The following DLG2 variants were observed in gnomAD, a reference collection of about 807,000 sequenced individuals.
DLG2 encodes discs large MAGUK scaffold protein 2, also known as disks large homolog 2.
DLG2 carries 45 observed loss-of-function variants against 132.5 expected under a neutral mutation model. The ratio of observed to expected loss-of-function variants is 0.34; its 90% confidence interval spans 0.27 to 0.44. The LOEUF is 0.44. DLG2 is among the 20% of genes least tolerant of loss of function. The pLI is 1.00. For missense variants in DLG2, 1,045 were observed against 1,196.9 expected (o/e 0.87, Z 1.87); for synonymous variants, 424 against 419.6 (o/e 1.01, Z -0.13).
chr11:85,410,744 T>C (rs947874772), intron 3 of DLG2, among the ~76,000 whole-genome samples: 1 of 151,796 alleles, frequency 6.6e-6, no homozygotes, highest in African/African-American at 2.4e-5. Context: ...AATAAACAAA[T>C]GAGTACACTA....
chr11:83,639,150 C>T (rs1374847467), intron 18 of DLG2, among the ~76,000 whole-genome samples: 2 of 152,168 alleles, frequency 1.3e-5, no homozygotes, highest in Non-Finnish European at 2.9e-5. Flanking sequence ...GAAAACAATA[C>T]ACTCAGTGGG....
At chr11:83,965,569 T>C in intron 12 of DLG2, 101 bp from the exon 13 acceptor site, 3 of 937,662 alleles carry the variant, frequency 3.2e-6, no homozygotes, top group South Asian at 3.2e-5. Flanking sequence ...TGATAATTAC[T>C]GTCCAGTATC....
chr11:83,895,994 C>G (rs1201100294), intron 15 of DLG2, among the ~76,000 whole-genome samples: 1 of 152,262 alleles, frequency 6.6e-6, no homozygotes, highest in African/African-American at 2.4e-5. Context: ...TCACTTTTAT[C>G]AAGACGAACC....
chr11:85,163,932 G>A (rs1176913666), intron 4 of DLG2, among the ~76,000 whole-genome samples: 1 of 152,224 alleles, frequency 6.6e-6, no homozygotes, highest in East Asian at 1.9e-4. Context: ...GTATGCATGG[G>A]AGTCTCACAA....
chr11:85,517,782 C>T (rs1190477764), intron 3 of DLG2, among the ~76,000 whole-genome samples: 1 of 151,972 alleles, frequency 6.6e-6, no homozygotes, highest in African/African-American at 2.4e-5. Context: ...TTGGCTGTGT[C>T]CCCACCCAAA....
intron 7 of DLG2, among the ~76,000 whole-genome samples, chr11:84,435,687 A>G (rs2098998365): frequency 6.6e-6 from 1 of 152,192 alleles, no homozygotes; most frequent in Non-Finnish European, 1.5e-5. Context: ...AACATTAGCC[A>G]TCACAGAAAT....
intron 8 of DLG2, among the ~76,000 whole-genome samples, chr11:84,172,976 CG>C (rs113858255): frequency 1.9e-3 from 282 of 152,006 alleles, no homozygotes; most frequent in East Asian, 7.7e-3. Context: ...AGAAAGCACA[CG>C]TTTTTTTGTA....
At chr11:83,832,426 A>G (rs181456549) in intron 17 of DLG2, among the ~76,000 whole-genome samples, 106 of 152,262 alleles carry the variant, frequency 7.0e-4, no homozygotes, top group African/African-American at 2.3e-3. Context: ...TACCCTTGAA[A>G]ATTACTTACA....
At chr11:85,587,229 T>G (rs1248010367) in intron 3 of DLG2, among the ~76,000 whole-genome samples, 1 of 152,144 alleles carries the variant, frequency 6.6e-6, no homozygotes, top group African/African-American at 2.4e-5. Context: ...GTTCTGGGTA[T>G]AGTTTAAATC....
chr11:84,577,176 G>A (rs568419778), intron 6 of DLG2, among the ~76,000 whole-genome samples: 38 of 152,282 alleles, frequency 2.5e-4, no homozygotes, highest in East Asian at 1.7e-3. Flanking sequence ...GGAATGGTAC[G>A]TCCAATTAAA....
rs192209411 is a variant in DLG2, at chr11:85,418,245, G to C, written c.41-132880C>G. ...TAGGTTGTTCAGTTTTCATGTAGTT[G>C]TGTGGTTTTGAGAGAGTTTCTTAAT... On this transcript the variant is annotated intron_variant, in intron 3 of 27. Transcript: ENST00000376104. 2.5e-3 allele frequency among the ~76,000 whole-genome samples: 376 copies of C among 152,300 alleles called. 1 individual carries two copies. The highest frequency in any genetic ancestry group is 8.7e-3 in the African/African-American group (363 of 41,556).
intron 7 of DLG2, chr11:84,273,014 C>T (rs928874492): frequency 4.4e-6 from 3 of 688,312 alleles, no homozygotes; most frequent in African/African-American, 3.8e-5. Context: ...ATATATTTAG[C>T]CTGAATGAGA....
chr11:84,755,573 G>A (rs1281391995), intron 6 of DLG2, among the ~76,000 whole-genome samples: 2 of 152,094 alleles, frequency 1.3e-5, no homozygotes, highest in Admixed American at 6.5e-5. Context: ...ACAGGCACCC[G>A]CCACCACGCC....
At chr11:84,374,851 C>T (rs891415824) in intron 7 of DLG2, among the ~76,000 whole-genome samples, 1 of 152,140 alleles carries the variant, frequency 6.6e-6, no homozygotes, top group Admixed American at 6.6e-5. Flanking sequence ...TTCCCATCTT[C>T]ACCAAACATC....
intron 7 of DLG2, among the ~76,000 whole-genome samples, chr11:84,406,485 A>AT (rs1335059771): frequency 1.3e-5 from 2 of 151,976 alleles, no homozygotes; most frequent in African/African-American, 4.8e-5. Context: ...TACGATGTTA[A>AT]TTTTTGTATT....
At chr11:84,538,253 A>C (rs2099360115) in intron 6 of DLG2, among the ~76,000 whole-genome samples, 1 of 152,218 alleles carries the variant, frequency 6.6e-6, no homozygotes, top group African/African-American at 2.4e-5. Flanking sequence ...ACAACATGTG[A>C]AGAGACATGT....
intron 4 of DLG2, among the ~76,000 whole-genome samples, chr11:85,258,215 T>C (rs1446594162): frequency 6.6e-6 from 1 of 152,206 alleles, no homozygotes; most frequent in African/African-American, 2.4e-5. Flanking sequence ...TGTAGAAATA[T>C]CAAATATGAT....
chr11:83,985,016 A>G (rs1317412251), intron 11 of DLG2, among the ~76,000 whole-genome samples: 1 of 152,172 alleles, frequency 6.6e-6, no homozygotes, highest in Non-Finnish European at 1.5e-5. Context: ...GAGTGAGTGT[A>G]GTTGAAACAT....
chr11:84,957,084 C>T (rs1266236247), intron 6 of DLG2, among the ~76,000 whole-genome samples: 1 of 152,100 alleles, frequency 6.6e-6, no homozygotes, highest in African/African-American at 2.4e-5. Context: ...TAATTTTACC[C>T]TTACAACAAC....
Sources: allele counts gnomAD v4.1 joint callset (sites outside exome capture counted in the v4.1 genomes callset), GRCh38; gene constraint gnomAD v4.1.1; transcripts MANE v1.5; gene names NCBI Gene and HGNC (gene_info 2026-07-23, HGNC 2026-07-21).